The following TMLHE variants were observed in gnomAD, a reference collection of about 807,000 sequenced individuals.
TMLHE encodes the protein trimethyllysine dioxygenase, mitochondrial.
Under a neutral mutation model 25.7 loss-of-function variants are expected in TMLHE, and 18 were observed. That is an observed-to-expected ratio of 0.70 (90% CI 0.48 to 1.04). The LOEUF is 1.04. Ranked by LOEUF, TMLHE falls within the 50% of genes least tolerant of loss-of-function variation. The pLI is 0.00. For missense variants in TMLHE, 236 were observed against 259.0 expected (o/e 0.91, Z 0.61); for synonymous variants, 105 against 97.0 (o/e 1.08, Z -0.49).
At chrX:155,577,533 T>C (rs1273500644) in intron 1 of TMLHE, among the ~76,000 whole-genome samples, 1 of 107,542 alleles carries the variant, frequency 9.3e-6, no homozygotes, top group Non-Finnish European at 1.9e-5. Context: ...TGAGCTGAGA[T>C]CACACCACGG....
intron 1 of TMLHE, among the ~76,000 whole-genome samples, chrX:155,602,676 C>T (rs894099020): frequency 9.0e-6 from 1 of 111,125 alleles, no homozygotes; most frequent in African/African-American, 3.3e-5. Context: ...CTCACATGCA[C>T]ACATACACAT....
chrX:155,552,811 T>C (rs782570611), intron 1 of TMLHE, among the ~76,000 whole-genome samples: 3 of 109,032 alleles, frequency 2.8e-5, no homozygotes, highest in Admixed American at 9.7e-5. Context: ...ATGTCATTGA[T>C]TTTTTAGCCT....
At chrX:155,536,131 A>G (rs1431420764) in intron 2 of TMLHE, among the ~76,000 whole-genome samples, 17 of 111,453 alleles carry the variant, frequency 1.5e-4, no homozygotes, top group African/African-American at 5.5e-4. Context: ...CACCCTATGT[A>G]TTTCCTAAAA....
intron 1 of TMLHE, among the ~76,000 whole-genome samples, chrX:155,589,470 T>C (rs1557345678): frequency 9.0e-6 from 1 of 111,290 alleles, no homozygotes; most frequent in African/African-American, 3.3e-5. Flanking sequence ...AAAAAAACAA[T>C]GAAATCATGT....
intron 4 of TMLHE, among the ~76,000 whole-genome samples, chrX:155,513,607 T>G (rs7052756): frequency 0.028 from 2,857 of 103,085 alleles, 97 homozygotes; most frequent in African/African-American, 0.092. Context: ...GTCGAGGGGG[T>G]GTGTGTGTGT....
At chrX:155,569,613 C>G (rs1216839285) in intron 1 of TMLHE, among the ~76,000 whole-genome samples, 1 of 56,086 alleles carries the variant, frequency 1.8e-5, no homozygotes, top group African/African-American at 4.3e-5. Context: ...CAAAGGGAAG[C>G]CCATCAGACT....
At chrX:155,544,616 T>C (rs1228818322) in intron 2 of TMLHE, among the ~76,000 whole-genome samples, 1 of 112,362 alleles carries the variant, frequency 8.9e-6, no homozygotes, top group Non-Finnish European at 1.9e-5. Context: ...CTCATACACA[T>C]AGGTAAAGTA....
intron 1 of TMLHE, among the ~76,000 whole-genome samples, chrX:155,557,349 C>T (rs2124440599): frequency 8.9e-6 from 1 of 112,341 alleles, no homozygotes; most frequent in South Asian, 3.7e-4. Flanking sequence ...CCACGTTCTT[C>T]TGTCATGGCT....
At chrX:155,508,590 A>G (rs2067089453) in intron 5 of TMLHE, among the ~76,000 whole-genome samples, 1 of 111,215 alleles carries the variant, frequency 9.0e-6, no homozygotes, top group South Asian at 3.7e-4. Context: ...TTTAGGAAAT[A>G]GACAAAAGAA....
chrX:155,576,427 A>G (rs782593884), intron 1 of TMLHE, among the ~76,000 whole-genome samples: 20 of 112,232 alleles, frequency 1.8e-4, no homozygotes, highest in African/African-American at 5.8e-4. Context: ...TAAAATGGCC[A>G]TACTACCCAA....
At chrX:155,548,471 C>A (rs904018118) in intron 1 of TMLHE, among the ~76,000 whole-genome samples, 3 of 108,859 alleles carry the variant, frequency 2.8e-5, no homozygotes, top group African/African-American at 1.1e-4. Flanking sequence ...CACGGTGGCT[C>A]ATGCCTGAAA....
chrX:155,571,962 A>G lies in TMLHE; in HGVS notation c.-1-26685T>C, dbSNP rs1450241310. On this transcript the variant is annotated intron_variant, in intron 1 of 7. Coordinates refer to ENST00000334398, the MANE Select transcript of TMLHE (RefSeq NM_018196.4). ...CCCTCTCTCACCACTCCTATTCAAC[A>G]TAGTGTTGTAAGTTCTGGCCAGGGC... 1.5e-4 allele frequency among the ~76,000 whole-genome samples: 8 copies of G among 54,882 alleles called. 1 individual carries two copies. The highest frequency in any genetic ancestry group is 3.6e-4 in the African/African-American group (8 of 22,480). 47.7% of individuals were successfully genotyped at this position (54,882 alleles called of 115,157 possible).
chrX:155,588,726 A>T (rs1355029782), intron 1 of TMLHE, among the ~76,000 whole-genome samples: 1 of 111,769 alleles, frequency 8.9e-6, no homozygotes, highest in East Asian at 2.8e-4. Context: ...CAGCTGTAGG[A>T]AAAAAATGCT....
chrX:155,514,228 C>T lies in TMLHE; in HGVS notation c.396G>A (p.Trp132Ter). ...DGHVTKYDLN[W>*]LVKNSYEGQK... ...GCCCTTCATAGCTGTTTTTCACCAGCCAATTCAAATCATATTTAGTCACAT... is the reference window on the plus strand; with the variant it reads ...GCCCTTCATAGCTGTTTTTCACCAGTCAATTCAAATCATATTTAGTCACAT... Residue 132 changes from tryptophan to a stop codon, truncating the protein, a stop_gained, in exon 4 of 8, where the codon TGG (tryptophan) becomes TGA (stop). Coordinates refer to ENST00000334398, the MANE Select transcript of TMLHE (RefSeq NM_018196.4). LOFTEE classifies it high-confidence loss of function. 8.3e-7 allele frequency: 1 copy of T among 1,208,839 alleles called. No homozygotes were observed. Among genetic ancestry groups the T allele is most frequent in the Non-Finnish European group, 1.1e-6 (1 of 893,596 alleles).
chrX:155,608,698 A>C (rs998065171), intron 1 of TMLHE, among the ~76,000 whole-genome samples: 1 of 112,208 alleles, frequency 8.9e-6, no homozygotes, highest in Admixed American at 9.4e-5. Flanking sequence ...AAGGCACTTA[A>C]ATTAACAAGC....
Position 155,556,685 on chromosome X carries a change from C to T in TMLHE, c.-1-11408G>A, listed in dbSNP as rs148825018. On this transcript the variant is annotated intron_variant, in intron 1 of 7. Coordinates refer to ENST00000334398, the MANE Select transcript of TMLHE (RefSeq NM_018196.4). ...CTAATGAAGTTTTGGGCACCACTGTCGTTGATAACATCTTATCAGGGGACA... is the reference window on the plus strand; with the variant it reads ...CTAATGAAGTTTTGGGCACCACTGTTGTTGATAACATCTTATCAGGGGACA... 6.8e-3 allele frequency among the ~76,000 whole-genome samples: 743 copies of T among 110,022 alleles called. 6 individuals are homozygous for T. Among genetic ancestry groups the T allele is most frequent in the African/African-American group, 0.023 (703 of 30,387 alleles).
chrX:155,545,162 C>G lies in TMLHE; in HGVS notation c.115G>C (p.Val39Leu), dbSNP rs1388341379. 8.3e-7 allele frequency: 1 copy of G among 1,208,437 alleles called. No individual in the cohort carries two copies. Among genetic ancestry groups the G allele is most frequent in the Non-Finnish European group, 1.1e-6 (1 of 894,261 alleles). The change falls in exon 2 of 8, where the codon GTC (valine) becomes CTC (leucine). Residue 39 changes from valine to leucine, a missense_variant. This residue lies in a region of TMLHE where 217 missense variants were observed against 214.6 expected (regional missense o/e 1.01). Coordinates refer to ENST00000334398, the MANE Select transcript of TMLHE (RefSeq NM_018196.4). ...PNFKSLLPLA[V>L]HWHHTASKSL... ...TTGGAGGCTGTATGGTGCCAATGGACAGCTAAAGGAAGTAAGCTTTTGAAG... is the reference window on the plus strand; with the variant it reads ...TTGGAGGCTGTATGGTGCCAATGGAGAGCTAAAGGAAGTAAGCTTTTGAAG...
intron 2 of TMLHE, among the ~76,000 whole-genome samples, chrX:155,540,615 G>A (rs1460109791): frequency 9.0e-6 from 1 of 111,008 alleles, no homozygotes; most frequent in Non-Finnish European, 1.9e-5. Context: ...TTCTGATAAA[G>A]GTTTATTGTG....
intron 1 of TMLHE, among the ~76,000 whole-genome samples, chrX:155,551,584 GT>G (rs2067416053): frequency 9.1e-6 from 1 of 110,006 alleles, no homozygotes; most frequent in South Asian, 3.8e-4. Context: ...GTTAGAGAAT[GT>G]TACCTCCACT....
Sources: allele counts gnomAD v4.1 joint callset (sites outside exome capture counted in the v4.1 genomes callset), GRCh38; gene constraint gnomAD v4.1.1; regional missense constraint gnomAD v4.1.1; transcripts MANE v1.5; gene names NCBI Gene and HGNC (gene_info 2026-07-23, HGNC 2026-07-21).